The following RAB38 variants were observed in gnomAD, a reference collection of about 807,000 sequenced individuals.
The protein encoded by RAB38 is ras-related protein Rab-38.
Under a neutral mutation model 18.4 loss-of-function variants are expected in RAB38, and 15 were observed. The observed-to-expected ratio is 0.82, with a 90% CI of 0.55 to 1.26. The LOEUF (loss-of-function observed/expected upper bound fraction) is 1.26. Ranked by LOEUF, RAB38 falls within the 50% of genes most tolerant of loss-of-function variation. RAB38 has a pLI of 0.00. For missense variants in RAB38, 294 were observed against 267.4 expected (o/e 1.10, Z -0.69); for synonymous variants, 101 against 104.4 (o/e 0.97, Z 0.20).
the RAB38 span, among the ~76,000 whole-genome samples, chr11:87,975,865 C>A: frequency 6.6e-6 from 1 of 151,368 alleles, no homozygotes; most frequent in African/African-American, 2.4e-5. Flanking sequence ...AGAGAAACAA[C>A]ACAAATTAGC....
chr11:87,913,804 C>G, the RAB38 span, among the ~76,000 whole-genome samples: 1 of 152,120 alleles, frequency 6.6e-6, no homozygotes, highest in Non-Finnish European at 1.5e-5. Context: ...TTCCCCTTGA[C>G]TTTCCCCACC....
the RAB38 span, among the ~76,000 whole-genome samples, chr11:87,840,548 G>GT: frequency 1.3e-4 from 20 of 152,258 alleles, no homozygotes; most frequent in South Asian, 2.1e-4. Flanking sequence ...TAGTAGGAAA[G>GT]TTTTTTTGCA....
At chr11:87,821,247 G>A in the RAB38 span, among the ~76,000 whole-genome samples, 1 of 152,134 alleles carries the variant, frequency 6.6e-6, no homozygotes, top group Admixed American at 6.5e-5. Context: ...AGACTACTTC[G>A]AAAGTAGTAA....
intron 1 of RAB38, among the ~76,000 whole-genome samples, chr11:88,168,835 G>A (rs1943274760): frequency 6.6e-6 from 1 of 152,034 alleles, no homozygotes; most frequent in South Asian, 2.1e-4. Context: ...TTAAATTCAA[G>A]GACTTCACAA....
chr11:88,141,501 G>A (rs1238999297), intron 2 of RAB38, among the ~76,000 whole-genome samples: 1 of 152,132 alleles, frequency 6.6e-6, no homozygotes, highest in African/African-American at 2.4e-5. Context: ...CTAAGGAAAA[G>A]GCACTAATTT....
the RAB38 span, among the ~76,000 whole-genome samples, chr11:88,075,752 A>G: frequency 6.6e-6 from 1 of 152,008 alleles, no homozygotes; most frequent in Non-Finnish European, 1.5e-5. Flanking sequence ...ATGGTGGTGC[A>G]TGCCTGTAAT....
At chr11:88,047,254 C>T in the RAB38 span, among the ~76,000 whole-genome samples, 1 of 152,178 alleles carries the variant, frequency 6.6e-6, no homozygotes, top group South Asian at 2.1e-4. Context: ...ATCCGGCCTC[C>T]CACATTATTC....
chr11:87,870,391 T>C, the RAB38 span, among the ~76,000 whole-genome samples: 9 of 151,594 alleles, frequency 5.9e-5, no homozygotes, highest in Non-Finnish European at 1.2e-4. Flanking sequence ...ATAGGTCTTA[T>C]GTTTGTGATG....
the RAB38 span, among the ~76,000 whole-genome samples, chr11:87,838,101 T>TTTTTTA: frequency 2.7e-5 from 4 of 150,456 alleles, no homozygotes; most frequent in African/African-American, 7.4e-5. Context: ...CTTACATTCT[T>TTTTTTA]TTTTTATTTT....
At chr11:88,114,225 T>G in intron 2 of RAB38, 85 bp from the exon 3 acceptor site, 1 of 1,422,840 alleles carries the variant, frequency 7.0e-7, no homozygotes, top group Non-Finnish European at 9.7e-7. Context: ...ACAATTCATT[T>G]AAATATTCCT....
chr11:88,073,113 C>T, the RAB38 span, among the ~76,000 whole-genome samples: 1 of 152,254 alleles, frequency 6.6e-6, no homozygotes, highest in East Asian at 1.9e-4. Flanking sequence ...ATCAACTTCC[C>T]CACCATCTTG....
the RAB38 span, among the ~76,000 whole-genome samples, chr11:88,028,367 A>G: frequency 6.6e-6 from 1 of 152,218 alleles, no homozygotes; most frequent in South Asian, 2.1e-4. Context: ...AAACGGAACA[A>G]AGCTGGAAAG....
chr11:88,168,307 T>C (rs1943268443), intron 1 of RAB38, among the ~76,000 whole-genome samples: 1 of 152,192 alleles, frequency 6.6e-6, no homozygotes, highest in Non-Finnish European at 1.5e-5. Flanking sequence ...TTGGCATATA[T>C]GACCTTTCCT....
the RAB38 span, among the ~76,000 whole-genome samples, chr11:87,889,682 T>C: frequency 6.6e-6 from 1 of 151,818 alleles, no homozygotes; most frequent in Non-Finnish European, 1.5e-5. Flanking sequence ...ACTGACAGAG[T>C]AGCTAAATAG....
chr11:88,012,955 A>C, the RAB38 span, among the ~76,000 whole-genome samples: 1 of 152,198 alleles, frequency 6.6e-6, no homozygotes, highest in Non-Finnish European at 1.5e-5. Flanking sequence ...ATTGTGTTAC[A>C]AAGAGGGTCC....
the RAB38 span, among the ~76,000 whole-genome samples, chr11:88,085,689 C>T: frequency 6.6e-6 from 1 of 151,798 alleles, no homozygotes; most frequent in African/African-American, 2.4e-5. Context: ...CTTTGTAAAC[C>T]AAGTTTTATT....
At chr11:87,921,093 A>G in the RAB38 span, among the ~76,000 whole-genome samples, 4 of 152,032 alleles carry the variant, frequency 2.6e-5, no homozygotes, top group African/African-American at 9.7e-5. Flanking sequence ...CACTCTGACA[A>G]TAGGGAACCC....
chr11:88,172,736 A>G (rs1346349204), intron 1 of RAB38, among the ~76,000 whole-genome samples: 1 of 152,228 alleles, frequency 6.6e-6, no homozygotes, highest in Non-Finnish European at 1.5e-5. Flanking sequence ...ACATGAACTC[A>G]TAACCCACAT....
the RAB38 span, among the ~76,000 whole-genome samples, chr11:87,858,178 G>A: frequency 2.0e-5 from 3 of 152,048 alleles, no homozygotes; most frequent in Non-Finnish European, 4.4e-5. Context: ...GGTTGTAGGT[G>A]TGTCATATTA....
Sources: gnomAD v4.1 joint callset for allele counts (sites outside exome capture counted in the v4.1 genomes callset) on GRCh38, gnomAD v4.1.1 for gene constraint, MANE v1.5 for transcripts, NCBI Gene and HGNC (gene_info 2026-07-23, HGNC 2026-07-21) for gene names.